MEIS1: variants seen among roughly 807,000 people sequenced by gnomAD.
MEIS1 encodes the protein Meis homeobox 1.
MEIS1 carries 5 observed loss-of-function variants against 50.8 expected under a neutral mutation model. The observed-to-expected ratio is 0.10, with a 90% CI of 0.05 to 0.21. The LOEUF (loss-of-function observed/expected upper bound fraction) is 0.21. MEIS1 is among the 10% of genes least tolerant of loss of function. The pLI is 1.00. For synonymous variants in MEIS1, 176 were observed against 179.3 expected, an observed-to-expected ratio of 0.98 and a Z score of 0.15; for missense variants, 318 against 517.3, an observed-to-expected ratio of 0.61 and a Z score of 3.74.
intron 7 of MEIS1, among the ~76,000 whole-genome samples, chr2:66,496,867 A>G (rs1673417877): frequency 6.6e-6 from 1 of 152,148 alleles, no homozygotes; most frequent in South Asian, 2.1e-4. Context: ...AAGCATTGGA[A>G]CTGGCATCCT....
intron 7 of MEIS1, among the ~76,000 whole-genome samples, chr2:66,468,191 G>A (rs1672684526): frequency 6.6e-6 from 1 of 152,126 alleles, no homozygotes; most frequent in African/African-American, 2.4e-5. Context: ...TGGCTTTCGT[G>A]TGTCTTTTGC....
intron 8 of MEIS1, among the ~76,000 whole-genome samples, chr2:66,543,508 C>T (rs1289734589): frequency 6.6e-6 from 1 of 152,192 alleles, no homozygotes; most frequent in East Asian, 1.9e-4. Flanking sequence ...CTTCTCTCTG[C>T]AGCCAAACCA....
At chr2:66,556,219 T>C (rs1675060773) in intron 9 of MEIS1, among the ~76,000 whole-genome samples, 1 of 152,224 alleles carries the variant, frequency 6.6e-6, no homozygotes, top group Non-Finnish European at 1.5e-5. Flanking sequence ...TAATTAACTC[T>C]TTCATGCTCC....
chr2:66,523,228 C>G (rs1291797345), intron 8 of MEIS1, among the ~76,000 whole-genome samples: 1 of 152,122 alleles, frequency 6.6e-6, no homozygotes, highest in African/African-American at 2.4e-5. Flanking sequence ...AAAGCAAATG[C>G]TAGAAAAATC....
At chr2:66,486,817 C>A (rs560769738) in intron 7 of MEIS1, among the ~76,000 whole-genome samples, 15 of 152,266 alleles carry the variant, frequency 9.9e-5, no homozygotes, top group African/African-American at 3.4e-4. Context: ...TCCTTCACAT[C>A]CCTTGTAAGT....
intron 7 of MEIS1, among the ~76,000 whole-genome samples, chr2:66,486,072 C>T (rs71446045): frequency 6.6e-6 from 1 of 152,162 alleles, no homozygotes; most frequent in Non-Finnish European, 1.5e-5. Flanking sequence ...AGGATAGTTT[C>T]TTTTGCTGTA....
At chr2:66,493,812 G>T (rs1174326766) in intron 7 of MEIS1, among the ~76,000 whole-genome samples, 1 of 152,084 alleles carries the variant, frequency 6.6e-6, no homozygotes, top group Non-Finnish European at 1.5e-5. Flanking sequence ...CTTAAAAAAA[G>T]ATGTTATTCA....
Position 66,549,551 on chromosome 2 carries a change from A to T in MEIS1, c.965+1532A>T, listed in dbSNP as rs563847297. Among the ~76,000 whole-genome samples, 9 of 152,144 alleles carry T rather than the reference A, an allele frequency of 5.9e-5. No homozygotes were observed. In the East Asian group the frequency reaches 1.7e-3, roughly 29 times the overall value. On this transcript the variant is annotated intron_variant, in intron 9 of 12. Transcript: ENST00000272369. ...TATTTGAAATATAATATCCTGGATG[A>T]TATTATAGGGGAGACCATCAATTTT... is the stretch of plus-strand genomic sequence containing the variant.
intron 1 of MEIS1, 163 bp from the exon 2 acceptor site, chr2:66,437,574 T>C (rs746890881): frequency 1.6e-6 from 1 of 644,534 alleles, no homozygotes; most frequent in African/African-American, 1.8e-5. Context: ...ACTTAAAGCT[T>C]TAATTTTAAA....
At chr2:66,477,801 G>A (rs544428553) in intron 7 of MEIS1, among the ~76,000 whole-genome samples, 7 of 152,124 alleles carry the variant, frequency 4.6e-5, no homozygotes, top group Admixed American at 2.0e-4. Flanking sequence ...TCTAATCCTG[G>A]TGTGCTTCAG....
rs887587777 is a variant in MEIS1 at position 66,507,795 on chromosome 2, G to A, written c.743-4354G>A. ...CTTTATCCTGCCTTGAAAGGCACGAGATAGCACAGTCTAAATGCCTGGGCA... is the reference window on the plus strand; with the variant it reads ...CTTTATCCTGCCTTGAAAGGCACGAAATAGCACAGTCTAAATGCCTGGGCA... On this transcript the variant is annotated intron_variant, in intron 7 of 12. Coordinates refer to ENST00000272369, the MANE Select transcript of MEIS1 (RefSeq NM_002398.3). 2.0e-5 allele frequency among the ~76,000 whole-genome samples: 3 copies of A among 152,314 alleles called. No homozygotes were observed. In the South Asian group the frequency reaches 6.2e-4, roughly 32 times the overall value.
At chr2:66,503,996 C>T (rs1300823436) in intron 7 of MEIS1, among the ~76,000 whole-genome samples, 8 of 151,978 alleles carry the variant, frequency 5.3e-5, no homozygotes, top group South Asian at 2.1e-4. Context: ...CCACCTGCCT[C>T]GGCCTCCCAA....
At chr2:66,442,007 G>A (rs1161903001) in intron 5 of MEIS1, among the ~76,000 whole-genome samples, 1 of 152,094 alleles carries the variant, frequency 6.6e-6, no homozygotes, top group Admixed American at 6.5e-5. Flanking sequence ...AAGCAGAGTT[G>A]ATAGTTGTGT....
chr2:66,443,044 A>G lies in MEIS1; in HGVS notation c.626A>G (p.Asp209Gly). The change falls in exon 6 of 13, where the codon GAC (aspartate) becomes GGC (glycine). Residue 209 changes from aspartate to glycine, a missense_variant. Physicochemically the swap from Asp to Gly is moderately conservative, Grantham distance 94. Transcript: ENST00000272369. ...ATAACAAGATCAGCAAATCTAACTG[A>G]CCAGGTATGCGCTTTTCAATTTCAA... The part of the protein sequence containing the change: ...EDITRSANLT[D>G]QPSWNRDHDD... The G allele has an allele frequency of 6.3e-7, 1 of 1,594,502 alleles. No homozygotes were observed. Among genetic ancestry groups the G allele is most frequent in the Non-Finnish European group, 8.5e-7 (1 of 1,173,614 alleles).
chr2:66,475,282 A>C (rs1258606181), intron 7 of MEIS1, among the ~76,000 whole-genome samples: 1 of 146,766 alleles, frequency 6.8e-6, no homozygotes, highest in African/African-American at 2.5e-5. Context: ...TATTATATAT[A>C]AAAATATAAA....
intron 7 of MEIS1, among the ~76,000 whole-genome samples, chr2:66,485,147 C>T (rs1002233770): frequency 2.6e-5 from 4 of 151,864 alleles, no homozygotes; most frequent in Non-Finnish European, 5.9e-5. Context: ...TGTGCAGAAC[C>T]TGCGGGTTTG....
In MEIS1 at chr2:66,512,084, G is replaced by A. The variant is rs1030089758; in HGVS notation, c.743-65G>A. ...CTTTTGGTTTTGTTTATATCCAAAG[G>A]CATTCTATTTGAATAAAGCATGTCA... On this transcript the variant is annotated intron_variant, in intron 7 of 12. Transcript: ENST00000272369. 9 of 1,453,276 alleles carry A rather than the reference G, an allele frequency of 6.2e-6. No homozygotes were observed. In the South Asian group the frequency reaches 7.9e-5, roughly 13 times the overall value. 90.0% of individuals were successfully genotyped at this position (1,453,276 alleles called of 1,614,324 possible).
intron 8 of MEIS1, among the ~76,000 whole-genome samples, chr2:66,515,707 C>T (rs1271277361): frequency 1.3e-5 from 2 of 151,868 alleles, no homozygotes; most frequent in East Asian, 1.9e-4. Flanking sequence ...TTGGCAGAGT[C>T]GATAAGTAGA....
chr2:66,539,827 C>T (rs1020058263), intron 8 of MEIS1, among the ~76,000 whole-genome samples: 1 of 152,174 alleles, frequency 6.6e-6, no homozygotes, highest in African/African-American at 2.4e-5. Flanking sequence ...TGACAGCCCC[C>T]TCCCCTCCCC....
Sources: allele counts gnomAD v4.1 joint callset (sites outside exome capture counted in the v4.1 genomes callset), GRCh38; gene constraint gnomAD v4.1.1; transcripts MANE v1.5; gene names NCBI Gene and HGNC (gene_info 2026-07-23, HGNC 2026-07-21).